FRAS1: variants seen among roughly 807,000 people sequenced by gnomAD.
FRAS1 encodes the protein extracellular matrix organizing protein FRAS1.
FRAS1 carries 290 observed loss-of-function variants against 435.2 expected under a neutral mutation model. The ratio of observed to expected loss-of-function variants is 0.67; its 90% CI spans 0.61 to 0.73. The LOEUF (loss-of-function observed/expected upper bound fraction) is 0.73. Among genes scored for constraint, FRAS1 ranks in the 30% least tolerant of loss-of-function variants. The pLI, the probability that FRAS1 is intolerant of heterozygous loss-of-function variation, is 0.00. For missense variants in FRAS1, 4,860 were observed against 5,001.5 expected (o/e 0.97, Z 0.85); for synonymous variants, 1,800 against 1,851.0 (o/e 0.97, Z 0.71).
chr4:78,089,023 C>T lies in FRAS1; in HGVS notation c.108+23007C>T, dbSNP rs188802322. 2.8e-3 allele frequency among the ~76,000 whole-genome samples: 424 copies of T among 152,132 alleles called. 1 individual carries two copies. Among genetic ancestry groups the T allele is most frequent in the African/African-American group, 9.7e-3 (403 of 41,504 alleles). ...TATTCACAATAGCAAAGACATGGAA[C>T]CAACCGAAATGTCCAACAATGATAG... On this transcript the variant is annotated intron_variant, in intron 2 of 73. Coordinates refer to ENST00000512123, the MANE Select transcript of FRAS1 (RefSeq NM_025074.7).
At chr4:78,123,618 GT>G (rs1719161701) in intron 2 of FRAS1, among the ~76,000 whole-genome samples, 1 of 152,180 alleles carries the variant, frequency 6.6e-6, no homozygotes, top group South Asian at 2.1e-4. Flanking sequence ...AGCATGGAAT[GT>G]TTTTCCATTT....
intron 2 of FRAS1, among the ~76,000 whole-genome samples, chr4:78,129,970 T>G (rs1285228242): frequency 6.6e-6 from 1 of 152,220 alleles, no homozygotes; most frequent in East Asian, 1.9e-4. Context: ...CCTCAGTGTC[T>G]GTTGCTACTT....
intron 14 of FRAS1, among the ~76,000 whole-genome samples, chr4:78,298,594 T>A (rs1187937607): frequency 6.6e-6 from 1 of 152,224 alleles, no homozygotes; most frequent in Non-Finnish European, 1.5e-5. Flanking sequence ...TCAGTATTTA[T>A]CATCATAAGC....
intron 2 of FRAS1, among the ~76,000 whole-genome samples, chr4:78,145,574 C>T (rs929938794): frequency 3.3e-5 from 5 of 152,200 alleles, no homozygotes; most frequent in Non-Finnish European, 7.4e-5. Context: ...ATGAGAAGCT[C>T]GGAATGCACA....
At chr4:78,247,403 A>G (rs750287091) in intron 4 of FRAS1, among the ~76,000 whole-genome samples, 10 of 152,272 alleles carry the variant, frequency 6.6e-5, no homozygotes, top group Non-Finnish European at 1.0e-4. Flanking sequence ...TGGGGAAAAA[A>G]TCTCTAGTGG....
intron 2 of FRAS1, among the ~76,000 whole-genome samples, chr4:78,073,460 A>G (rs975047652): frequency 7.2e-5 from 11 of 152,184 alleles, no homozygotes; most frequent in African/African-American, 2.2e-4. Context: ...TGGTCACACC[A>G]TACACTTCCC....
rs1013401600 is a variant in FRAS1 at position 78,066,018 on chromosome 4, T to C, written c.108+2T>C. 23 of 1,602,516 alleles carry C rather than the reference T, an allele frequency of 1.4e-5. No individual in the cohort carries two copies. Among genetic ancestry groups the C allele is most frequent in the Non-Finnish European group, 2.0e-5 (23 of 1,170,424 alleles). The stretch of plus-strand genomic sequence containing the variant: ...GTCTATCAGGATTCCTTGTTGGCGG[T>C]AGGTCATTCTTTACATACTTGGTTT... On this transcript the variant is annotated splice_donor_variant, in intron 2 of 73. Transcript: ENST00000512123. LOFTEE classifies it high-confidence loss of function.
intron 14 of FRAS1, among the ~76,000 whole-genome samples, chr4:78,306,975 T>A (rs1728760659): frequency 6.6e-6 from 1 of 152,234 alleles, no homozygotes; most frequent in Non-Finnish European, 1.5e-5. Context: ...TCTGCTCTGT[T>A]TTTTCCCCAT....
intron 41 of FRAS1, 90 bp from the exon 42 acceptor site, chr4:78,445,432 T>C (rs1718772508): frequency 1.4e-6 from 2 of 1,423,966 alleles, no homozygotes; most frequent in African/African-American, 2.9e-5. Context: ...TTCTTTTTTT[T>C]TGCCGAAAAT....
rs35933858 is a variant in FRAS1 at position 78,513,531 on chromosome 4, T to C, written c.10153T>C (p.Tyr3385His). 6.2e-7 allele frequency: 1 copy of C among 1,613,576 alleles called. No individual in the cohort carries two copies. Among genetic ancestry groups the C allele is most frequent in the South Asian group, 1.1e-5 (1 of 91,074 alleles). The change falls in exon 65 of 74, where the codon TAT becomes CAT. Residue 3385 changes from tyrosine to histidine, a missense_variant. Coordinates refer to ENST00000512123, the MANE Select transcript of FRAS1 (RefSeq NM_025074.7). ...CGTCTGCTCCAATTTAGTTACCACC[T>C]ATGACCTGAGAGGCATCTCAGGTGA... is the stretch of plus-strand genomic sequence containing the variant. ...QHVCSNLVTT[Y>H]DLRGISEAGF...
intron 58 of FRAS1, among the ~76,000 whole-genome samples, chr4:78,486,281 T>C (rs1254190790): frequency 2.6e-5 from 4 of 152,220 alleles, no homozygotes; most frequent in Non-Finnish European, 5.9e-5. Flanking sequence ...ACAGTGTTTA[T>C]AGGACATTTT....
intron 2 of FRAS1, among the ~76,000 whole-genome samples, chr4:78,129,258 GA>G (rs1560539807): frequency 6.6e-6 from 1 of 152,268 alleles, no homozygotes; most frequent in East Asian, 1.9e-4. Context: ...GGTTCCATAT[GA>G]ACTTTAAAGT....
chr4:78,161,469 C>T (rs938034359), intron 2 of FRAS1, among the ~76,000 whole-genome samples: 1 of 151,960 alleles, frequency 6.6e-6, no homozygotes, highest in South Asian at 2.1e-4. Context: ...TAGCACCTCC[C>T]TTGGATGATT....
intron 31 of FRAS1, among the ~76,000 whole-genome samples, chr4:78,412,189 C>T (rs1169246859): frequency 6.8e-6 from 1 of 146,536 alleles, no homozygotes; most frequent in Non-Finnish European, 1.5e-5. Context: ...CTTTTAAAGA[C>T]ATAGGGAAAG....
At position 78,308,133 on chromosome 4, in the gene FRAS1, C is replaced by T. The variant is rs139578193; in HGVS notation, c.1602C>T (p.Pro534=). 10 of 1,613,882 alleles carry T rather than the reference C, an allele frequency of 6.2e-6. No homozygotes were observed. Among genetic ancestry groups the T allele is most frequent in the Non-Finnish European group, 7.6e-6 (9 of 1,179,842 alleles). ...AGCACTGCTTGGCCTGCAGAGATCC[C>T]CTCCACGTGCTGAGAGATGGCGGCT... ...TEKHCLACRD[P]LHVLRDGGCE... is the part of the protein sequence containing the mutation. The change falls in exon 15 of 74, where the codon CCC becomes CCT. Residue 534 remains proline (P), a synonymous_variant. Transcript: ENST00000512123.
At chr4:78,287,303 G>A (rs1284194416) in intron 14 of FRAS1, among the ~76,000 whole-genome samples, 2 of 152,126 alleles carry the variant, frequency 1.3e-5, no homozygotes, top group East Asian at 3.9e-4. Flanking sequence ...TCGACACGTG[G>A]GGATTACAAT....
At chr4:78,452,465 A>G in intron 47 of FRAS1, 111 bp downstream of exon 47, 1 of 810,086 alleles carries the variant, frequency 1.2e-6, no homozygotes, top group South Asian at 2.2e-5. Flanking sequence ...ATTCATATTT[A>G]TTTTCTGCCT....
intron 29 of FRAS1, among the ~76,000 whole-genome samples, chr4:78,392,610 T>C (rs1330127064): frequency 1.3e-5 from 2 of 152,130 alleles, no homozygotes; most frequent in African/African-American, 4.8e-5. Context: ...CCTATTGTTC[T>C]ATGAAATGAA....
chr4:78,126,955 T>G (rs1001945969), intron 2 of FRAS1, among the ~76,000 whole-genome samples: 9 of 152,176 alleles, frequency 5.9e-5, no homozygotes, highest in Admixed American at 2.0e-4. Context: ...CCCCAACCAT[T>G]TATTCATTTG....
Sources: gnomAD v4.1 joint callset for allele counts (sites outside exome capture counted in the v4.1 genomes callset) on GRCh38, gnomAD v4.1.1 for gene constraint, MANE v1.5 for transcripts, NCBI Gene and HGNC (gene_info 2026-07-23, HGNC 2026-07-21) for gene names.